Variants in PAPPA observed in about 807,000 individuals in gnomAD.
PAPPA encodes the protein pappalysin-1.
A neutral mutation model predicts 164.0 loss-of-function variants in PAPPA; 60 were observed. The observed-to-expected ratio is 0.37, with a 90% CI of 0.30 to 0.45. PAPPA has a LOEUF of 0.45. PAPPA is among the 20% of genes least tolerant of loss of function. PAPPA has a pLI of 1.00. For missense variants in PAPPA, 1,782 were observed against 2,087.3 expected, an observed-to-expected ratio of 0.85 and a Z score of 2.85; for synonymous variants, 875 against 814.1, an observed-to-expected ratio of 1.07 and a Z score of -1.27.
At chr9:116,372,065 CT>C (rs1240029488) in intron 19 of PAPPA, among the ~76,000 whole-genome samples, 1 of 151,960 alleles carries the variant, frequency 6.6e-6, no homozygotes, top group African/African-American at 2.4e-5. Flanking sequence ...CCTAAACCTT[CT>C]TTTTCTCAGT....
At chr9:116,372,264 G>C (rs1413998232) in intron 19 of PAPPA, among the ~76,000 whole-genome samples, 1 of 152,158 alleles carries the variant, frequency 6.6e-6, no homozygotes, top group Non-Finnish European at 1.5e-5. Flanking sequence ...TTGTTTTTCT[G>C]CTTCCAAAGG....
intron 9 of PAPPA, among the ~76,000 whole-genome samples, chr9:116,298,063 C>T (rs1022780743): frequency 2.0e-5 from 3 of 152,208 alleles, no homozygotes; most frequent in Admixed American, 2.0e-4. Context: ...AACAATAGCT[C>T]TAACCTGAGC....
intron 9 of PAPPA, among the ~76,000 whole-genome samples, chr9:116,301,067 C>T (rs926176598): frequency 1.3e-5 from 2 of 151,946 alleles, no homozygotes; most frequent in African/African-American, 2.4e-5. Flanking sequence ...AAACCCTTGT[C>T]TTTGGCCCTA....
At chr9:116,212,721 G>A (rs1587954684) in intron 4 of PAPPA, among the ~76,000 whole-genome samples, 1 of 152,102 alleles carries the variant, frequency 6.6e-6, no homozygotes, top group East Asian at 1.9e-4. Flanking sequence ...TGTTAGGAAA[G>A]GAAGAAGTAA....
At chr9:116,209,566 A>G (rs1287907815) in intron 3 of PAPPA, among the ~76,000 whole-genome samples, 1 of 152,146 alleles carries the variant, frequency 6.6e-6, no homozygotes, top group Non-Finnish European at 1.5e-5. Flanking sequence ...ATAGCATGTT[A>G]TAGTATTTCA....
chr9:116,187,767 G>A lies in PAPPA; in HGVS notation c.1029G>A (p.Gln343=), dbSNP rs1337606694. The A allele has an allele frequency of 7.4e-6, 12 of 1,614,246 alleles. No individual in the cohort carries two copies. Among genetic ancestry groups the A allele is most frequent in the Admixed American group, 1.7e-5 (1 of 60,030 alleles). ...CAGAGGTCATTGCCAGCTACAATCA[G>A]CTCTCAAGTTTCCGCCAGCCCAAGG... ...DNTEVIASYN[Q]LSSFRQPKVV... Residue 343 remains glutamine (Q), a synonymous_variant, in exon 2 of 22, where the codon CAG becomes CAA. Coordinates refer to ENST00000328252, the MANE Select transcript of PAPPA (RefSeq NM_002581.5). The surrounding 1 kb of genome is among the most constrained non-coding windows in gnomAD (Gnocchi z 4.2).
chr9:116,174,967 T>C (rs2118598125), intron 1 of PAPPA, among the ~76,000 whole-genome samples: 1 of 152,268 alleles, frequency 6.6e-6, no homozygotes, highest in East Asian at 1.9e-4. Flanking sequence ...TCAAGAAAAC[T>C]GGTAGAATTT....
chr9:116,367,855 A>G (rs1846522767), intron 19 of PAPPA, 101 bp downstream of exon 19: 1 of 784,864 alleles, frequency 1.3e-6, no homozygotes, highest in Non-Finnish European at 2.2e-6. Context: ...TCTTTCACAC[A>G]TATTACCTCA....
At chr9:116,334,838 G>A (rs754031165) in intron 12 of PAPPA, 23 bp from the exon 13 acceptor site, 7 of 1,590,544 alleles carry the variant, frequency 4.4e-6, no homozygotes, top group South Asian at 2.2e-5. Flanking sequence ...CTGGCCCCTC[G>A]GCCCCTCTGT....
At chr9:116,172,910 G>A (rs1005902285) in intron 1 of PAPPA, among the ~76,000 whole-genome samples, 5 of 152,202 alleles carry the variant, frequency 3.3e-5, no homozygotes, top group Non-Finnish European at 7.4e-5. Context: ...AGTCTACCAT[G>A]TATCAGATCT....
At position 116,220,066 on chromosome 9, in the gene PAPPA, G is replaced by T; in HGVS notation, c.2048G>T (p.Gly683Val). ...GTTGCCCTCGCCCCCCAAGTTCTGG[G>T]CCACACAACGGACTCTGTGACACTG... is the stretch of plus-strand genomic sequence containing the variant. ...APVALAPQVL[G>V]HTTDSVTLEW... The change falls in exon 5 of 22, where the codon GGC becomes GTC. Residue 683 changes from glycine (G) to valine (V), a missense_variant. Around this residue, in one of 2 missense-constraint regions of PAPPA, gnomAD observed 1,324 missense variants for 1,656.9 expected, o/e 0.80. Coordinates refer to ENST00000328252, the MANE Select transcript of PAPPA (RefSeq NM_002581.5). 1 of 1,614,112 alleles carries T rather than the reference G, an allele frequency of 6.2e-7. No individual in the cohort carries two copies.
At chr9:116,368,315 C>T (rs576894703) in intron 19 of PAPPA, among the ~76,000 whole-genome samples, 5 of 152,336 alleles carry the variant, frequency 3.3e-5, no homozygotes, top group African/African-American at 4.8e-5. Context: ...GTGCTTAGCA[C>T]GAAGACTCCA....
intron 13 of PAPPA, among the ~76,000 whole-genome samples, chr9:116,338,260 C>T (rs1846089026): frequency 6.6e-6 from 1 of 152,164 alleles, no homozygotes; most frequent in Non-Finnish European, 1.5e-5. Context: ...TTCACATTCG[C>T]TTTCTTCCTT....
intron 21 of PAPPA, among the ~76,000 whole-genome samples, chr9:116,395,801 G>T (rs1477972258): frequency 6.6e-6 from 1 of 152,180 alleles, no homozygotes; most frequent in Non-Finnish European, 1.5e-5. Flanking sequence ...AGGATTCCAA[G>T]CCTCCCAGAA....
chr9:116,314,059 T>C (rs1845755970), intron 10 of PAPPA, among the ~76,000 whole-genome samples: 1 of 125,670 alleles, frequency 8.0e-6, no homozygotes, highest in South Asian at 2.8e-4. Context: ...TTGCATCGAA[T>C]CTTTTTTTTT....
chr9:116,271,278 G>T lies in PAPPA; in HGVS notation c.2862-47G>T. The stretch of plus-strand genomic sequence containing the variant: ...AGGGACTTTTCCATGTCCAGCCATG[G>T]TTTTAAGACTAAATTGGCAAATTTC... On this transcript the variant is annotated intron_variant, in intron 8 of 21. Coordinates refer to ENST00000328252, the MANE Select transcript of PAPPA (RefSeq NM_002581.5). The surrounding 1 kb of genome is among the most constrained non-coding windows in gnomAD (Gnocchi z 4.2). 5 of 1,375,668 alleles carry T rather than the reference G, an allele frequency of 3.6e-6. No individual in the cohort carries two copies. Among genetic ancestry groups the T allele is most frequent in the Non-Finnish European group, 4.2e-6 (4 of 962,484 alleles). 85.2% of individuals were successfully genotyped at this position (1,375,668 alleles called of 1,614,324 possible).
intron 10 of PAPPA, among the ~76,000 whole-genome samples, chr9:116,308,253 G>A (rs112226766): frequency 2.6e-5 from 4 of 152,340 alleles, no homozygotes; most frequent in Admixed American, 6.5e-5. Context: ...AAGAGTGAGA[G>A]TGTAAGATCT....
At chr9:116,367,594 G>A in intron 18 of PAPPA, 51 bp from the exon 19 acceptor site, 1 of 1,369,278 alleles carries the variant, frequency 7.3e-7, no homozygotes, top group Non-Finnish European at 1.0e-6. Flanking sequence ...GCAGTTTGCA[G>A]ATGTTGAGGG....
chr9:116,187,875 C>T lies in PAPPA; in HGVS notation c.1137C>T (p.His379=), dbSNP rs1163338379. The stretch of plus-strand genomic sequence containing the variant: ...CGCGCGAGCAGGTGGACTTCCAGCA[C>T]CATCAGCTGGCTGAGGCCTTCAAGC... ...TVTREQVDFQ[H]HQLAEAFKQY... Residue 379 remains histidine (H), a synonymous_variant, in exon 2 of 22, where the codon CAC becomes CAT. Transcript: ENST00000328252. This position sits in a 1 kb window ranked among gnomAD's most constrained non-coding sequence, Gnocchi z 4.2. 8.7e-6 allele frequency: 14 copies of T among 1,614,052 alleles called. No individual in the cohort carries two copies. The highest frequency in any genetic ancestry group is 1.2e-5 in the Non-Finnish European group (14 of 1,180,036).
Sources: allele counts gnomAD v4.1 joint callset (sites outside exome capture counted in the v4.1 genomes callset), GRCh38; gene constraint gnomAD v4.1.1; regional missense constraint gnomAD v4.1.1; non-coding constraint Gnocchi (gnomAD v3.1); transcripts MANE v1.5; gene names NCBI Gene and HGNC (gene_info 2026-07-23, HGNC 2026-07-21).